ZNF487: variants seen among roughly 807,000 people sequenced by gnomAD.
The protein encoded by ZNF487 is KRAB domain only 1.
ZNF487 carries 4 observed loss-of-function variants against 3.0 expected under a neutral mutation model. That is an observed-to-expected ratio of 1.35 (90% CI 0.66 to 3.08). The LOEUF (loss-of-function observed/expected upper bound fraction) is 3.08. Among genes scored for constraint, ZNF487 ranks in the 30% most tolerant of loss-of-function variants. The pLI is 0.01. For missense variants in ZNF487, 146 were observed against 98.7 expected, an observed-to-expected ratio of 1.48 and a Z score of -2.03; for synonymous variants, 55 against 34.6, an observed-to-expected ratio of 1.59 and a Z score of -2.06.
the ZNF487 span, among the ~76,000 whole-genome samples, chr10:43,492,096 C>A: frequency 6.6e-6 from 1 of 151,626 alleles, no homozygotes; most frequent in Non-Finnish European, 1.5e-5. Context: ...GCTGCCACAT[C>A]CCGCCATGAG....
At chr10:43,451,875 A>G (rs1332604284) in intron 1 of ZNF487, 1 of 152,222 alleles carries the variant, frequency 6.6e-6, no homozygotes, top group Non-Finnish European at 1.5e-5. Context: ...AGTTTGCACC[A>G]TTATTATGGG....
the ZNF487 span, among the ~76,000 whole-genome samples, chr10:43,507,529 A>G: frequency 0.73 from 111,190 of 151,764 alleles, 41,855 homozygotes; most frequent in East Asian, 0.93. Flanking sequence ...ACAACCGAGG[A>G]GCTGATGAAA....
chr10:43,480,111 T>C (rs1476186671), intron 3 of ZNF487, among the ~76,000 whole-genome samples: 1 of 151,050 alleles, frequency 6.6e-6, no homozygotes, highest in Non-Finnish European at 1.5e-5. Flanking sequence ...TTCTTTTCTT[T>C]CTTTTCTTTT....
chr10:43,455,148 A>G (rs942258556), intron 1 of ZNF487, among the ~76,000 whole-genome samples: 4 of 151,462 alleles, frequency 2.6e-5, no homozygotes, highest in Admixed American at 6.6e-5. Context: ...AGCTGGAACT[A>G]TAGGCGCCCG....
At chr10:43,475,973 C>G in intron 2 of ZNF487, 126 bp downstream of exon 2, 1 of 644,654 alleles carries the variant, frequency 1.6e-6, no homozygotes, top group South Asian at 1.8e-5. Context: ...CTTGATTGAT[C>G]CCTTCTGGGC....
chr10:43,449,557 G>T (rs574051339), intron 1 of ZNF487, among the ~76,000 whole-genome samples: 1 of 151,960 alleles, frequency 6.6e-6, no homozygotes, highest in African/African-American at 2.4e-5. Flanking sequence ...CTATAAGCTT[G>T]TGAATTCAGT....
the ZNF487 span, among the ~76,000 whole-genome samples, chr10:43,509,031 T>G: frequency 6.8e-6 from 1 of 147,638 alleles, no homozygotes; most frequent in East Asian, 2.1e-4. Flanking sequence ...CTCTCTGTAC[T>G]AAAAATACAA....
chr10:43,506,848 C>T, the ZNF487 span, among the ~76,000 whole-genome samples: 2 of 152,170 alleles, frequency 1.3e-5, no homozygotes, highest in Admixed American at 6.5e-5. Flanking sequence ...TCCTTCCTCA[C>T]CCACAGGGTG....
rs1841371605 is a variant in ZNF487 at position 43,481,789 on chromosome 10, A to G, written c.491A>G (p.Asn164Ser). 1 of 709,846 alleles carries G rather than the reference A, an allele frequency of 1.4e-6. No individual in the cohort carries two copies. The highest frequency in any genetic ancestry group is 2.6e-6 in the Non-Finnish European group (1 of 385,050). 44.0% of individuals were successfully genotyped at this position (709,846 alleles called of 1,614,324 possible). The change falls in exon 4 of 4, where the codon AAT becomes AGT. Residue 164 changes from asparagine to serine, a missense_variant. Transcript: ENST00000437590. Reference sequence around the variant, plus strand: ...GGAAATGGGAAAGCCGTCTCTCAGAATGAGGACTTATTTAGGCATCAGTAT... The same window carrying G: ...GGAAATGGGAAAGCCGTCTCTCAGAGTGAGGACTTATTTAGGCATCAGTAT... The part of the protein sequence containing the change: ...YDGNGKAVSQ[N>S]EDLFRHQYIQ...
chr10:43,471,764 G>A (rs1840917561), intron 1 of ZNF487, among the ~76,000 whole-genome samples: 1 of 152,184 alleles, frequency 6.6e-6, no homozygotes, highest in Non-Finnish European at 1.5e-5. Context: ...TACTGACTGA[G>A]TCTGGGGTCT....
chr10:43,499,947 G>A, the ZNF487 span, among the ~76,000 whole-genome samples: 3 of 151,820 alleles, frequency 2.0e-5, no homozygotes, highest in South Asian at 4.2e-4. Flanking sequence ...GCAATGGTGC[G>A]GTCTCGGTTC....
intron 1 of ZNF487, among the ~76,000 whole-genome samples, chr10:43,443,086 G>T (rs751826801): frequency 4.9e-5 from 5 of 102,466 alleles, no homozygotes; most frequent in Non-Finnish European, 9.2e-5. Context: ...TTTTGAGACA[G>T]AGTTTTGCTC....
downstream of ZNF487, among the ~76,000 whole-genome samples, chr10:43,486,930 G>T (rs969906294): frequency 2.0e-5 from 3 of 152,024 alleles, no homozygotes; most frequent in African/African-American, 7.2e-5. Context: ...AAAATTCAGT[G>T]GTATTTATTC....
chr10:43,439,484 C>T (rs944241047), intron 1 of ZNF487, among the ~76,000 whole-genome samples: 1 of 151,958 alleles, frequency 6.6e-6, no homozygotes, highest in Admixed American at 6.6e-5. Context: ...GGGCAGATCA[C>T]CTAAGGTCAG....
intron 1 of ZNF487, among the ~76,000 whole-genome samples, chr10:43,442,283 G>A (rs548752192): frequency 3.7e-5 from 5 of 136,954 alleles, no homozygotes; most frequent in Non-Finnish European, 4.7e-5. Context: ...AAAAAACAAA[G>A]AAAAAAACTC....
rs74137740 is a variant in ZNF487, at chr10:43,482,887, A to G, written c.*965A>G. On this transcript the variant is annotated 3_prime_UTR_variant, in exon 4 of 4. Transcript: ENST00000437590. ...CACAAGTCATCCCTCACAGTACATC[A>G]GAGAACCCACACAGGAGAGAAACCC... 1.8e-3 allele frequency: 953 copies of G among 533,058 alleles called. 9 individuals are homozygous for G. Among genetic ancestry groups the G allele is most frequent in the African/African-American group, 0.017 (874 of 52,036 alleles). The allele number at this position is 533,058 out of a possible 1,614,324, so 33.0% of individuals were successfully genotyped here.
chr10:43,453,188 A>G (rs1397523556), intron 1 of ZNF487: 1 of 152,066 alleles, frequency 6.6e-6, no homozygotes, highest in African/African-American at 2.4e-5. Flanking sequence ...ATCTTTCCCA[A>G]TCACTACATT....
chr10:43,514,044 G>T, the ZNF487 span, among the ~76,000 whole-genome samples: 2 of 152,116 alleles, frequency 1.3e-5, no homozygotes, highest in Non-Finnish European at 1.5e-5. Flanking sequence ...AAGGGGACCT[G>T]GTCTCCCCTT....
the ZNF487 span, among the ~76,000 whole-genome samples, chr10:43,517,171 G>A: frequency 3.9e-5 from 6 of 152,250 alleles, no homozygotes; most frequent in East Asian, 3.8e-4. Context: ...CACGTTGTGT[G>A]AGGGGTCTTG....
Sources: allele counts gnomAD v4.1 joint callset (sites outside exome capture counted in the v4.1 genomes callset), GRCh38; gene constraint gnomAD v4.1.1; transcripts MANE v1.5; gene names NCBI Gene and HGNC (gene_info 2026-07-23, HGNC 2026-07-21).